The following MLXIP variants were observed in gnomAD, a reference collection of about 807,000 sequenced individuals.
MLXIP encodes the protein MLX interacting protein, also known as MLX-interacting protein.
Under a neutral mutation model 87.2 loss-of-function variants are expected in MLXIP, and 30 were observed. That is an observed-to-expected ratio of 0.34 (90% CI 0.26 to 0.47). The LOEUF (loss-of-function observed/expected upper bound fraction) is 0.47. Among genes scored for constraint, MLXIP ranks in the 20% least tolerant of loss-of-function variants. The pLI is 1.00. For synonymous variants in MLXIP, 530 were observed against 514.0 expected, an observed-to-expected ratio of 1.03 and a Z score of -0.42; for missense variants, 1,002 against 1,240.1, an observed-to-expected ratio of 0.81 and a Z score of 2.88.
intron 1 of MLXIP, 26 bp downstream of exon 1, chr12:122,079,292 G>A (rs764695407): frequency 7.8e-6 from 12 of 1,541,344 alleles, no homozygotes; most frequent in African/African-American, 6.9e-5. Flanking sequence ...ACCCCCTGAG[G>A]CCCCGGCCGG....
chr12:122,114,202 TA>T (rs1952650889), intron 1 of MLXIP, among the ~76,000 whole-genome samples: 1 of 150,280 alleles, frequency 6.7e-6, no homozygotes, highest in African/African-American at 2.5e-5. Context: ...GCCAGACTGT[TA>T]TCAAACTCCT....
In MLXIP at chr12:122,137,423, T is replaced by C; in HGVS notation, c.2033-46T>C. On this transcript the variant is annotated intron_variant, in intron 11 of 16. Coordinates refer to ENST00000319080, the MANE Select transcript of MLXIP (RefSeq NM_014938.6). The surrounding 1 kb of genome is among the most constrained non-coding windows in gnomAD (Gnocchi z 4.1). ...GACCCCAGGCTGCCTCCTGGTGGCG[T>C]TGAGGGGCCAGGCCTCCGCCCCTCA... The C allele has an allele frequency of 6.3e-7, 1 of 1,583,774 alleles. No homozygotes were observed. Among genetic ancestry groups the C allele is most frequent in the Non-Finnish European group, 8.6e-7 (1 of 1,164,616 alleles).
Position 122,137,598 on chromosome 12 carries a change from A to G in MLXIP, c.2154+8A>G, listed in dbSNP as rs758726592. ...AATGTGGCTGCACTAAAGGTACCGC[A>G]TGTCTCCTCTTGGTTCCCTTGGGAG... On this transcript the variant is annotated splice_region_variant and intron_variant, in intron 12 of 16. Coordinates refer to ENST00000319080, the MANE Select transcript of MLXIP (RefSeq NM_014938.6). The surrounding 1 kb of genome is among the most constrained non-coding windows in gnomAD (Gnocchi z 4.1). The G allele has an allele frequency of 2.5e-6, 4 of 1,613,402 alleles. No homozygotes were observed. The highest frequency in any genetic ancestry group is 1.1e-5 in the South Asian group (1 of 91,024).
intron 1 of MLXIP, among the ~76,000 whole-genome samples, chr12:122,090,761 A>G (rs1324464165): frequency 6.6e-6 from 1 of 152,258 alleles, no homozygotes; most frequent in Non-Finnish European, 1.5e-5. Context: ...CTATCTTCCC[A>G]GAAATAAAAA....
At position 122,135,290 on chromosome 12, in the gene MLXIP, T is replaced by C. The variant is rs1953066569; in HGVS notation, c.1799T>C (p.Leu600Ser). Residue 600 changes from leucine (L) to serine (S), a missense_variant, in exon 10 of 17, where the codon TTG (leucine) becomes TCG (serine). This residue lies in a region of MLXIP where 746 missense variants were observed against 897.0 expected (regional missense o/e 0.83). Transcript: ENST00000319080. This position sits in a 1 kb window ranked among gnomAD's most constrained non-coding sequence, Gnocchi z 5.3. Reference protein sequence around the residue: ...TSGPLKREGMLASTVSQSNVV... With the variant: ...TSGPLKREGMSASTVSQSNVV... ...GGGCCTCTGAAGAGAGAAGGGATGT[T>C]GGCCTCCACCGTGTCCCAGTCCAAC... is the stretch of plus-strand genomic sequence containing the variant. 6.2e-7 allele frequency: 1 copy of C among 1,613,552 alleles called. No homozygotes were observed. Among genetic ancestry groups the C allele is most frequent in the African/African-American group, 1.3e-5 (1 of 74,926 alleles).
Position 122,142,261 on chromosome 12 carries a change from A to G in MLXIP, c.*449A>G. On this transcript the variant is annotated 3_prime_UTR_variant, in exon 17 of 17. Transcript: ENST00000319080. The stretch of plus-strand genomic sequence containing the variant: ...ATGCCTCTGCCTGATGCCCTGCTCC[A>G]CTCTCTGGTCTGCCCGTGGGGCAGT... 1 of 696,196 alleles carries G rather than the reference A, an allele frequency of 1.4e-6. No homozygotes were observed. Among genetic ancestry groups the G allele is most frequent in the Non-Finnish European group, 2.6e-6 (1 of 381,500 alleles). The allele number at this position is 696,196 out of a possible 1,614,324, so 43.1% of individuals were successfully genotyped here. A position where few individuals can be genotyped will look rare whatever the true frequency, so the allele number is the denominator to read the frequency against.
Position 122,079,228 on chromosome 12 carries a change from G to A in MLXIP, c.375G>A (p.Ser125=), listed in dbSNP as rs776981255. 7.1e-6 allele frequency: 11 copies of A among 1,551,078 alleles called. No homozygotes were observed. Among genetic ancestry groups the A allele is most frequent in the Middle Eastern group, 1.7e-4 (1 of 5,992 alleles). ...TSSCHLSIDA[S]LTKLFECMTL... ...CCTGCCACCTGTCCATCGACGCCTC[G>A]CTCACCAAGCTCTTCGAGTGCATGA... is the stretch of plus-strand genomic sequence containing the variant. Residue 125 remains serine (S), a synonymous_variant, in exon 1 of 17, where the codon TCG becomes TCA. Transcript: ENST00000319080.
At chr12:122,132,173 C>T (rs1403101389) in intron 7 of MLXIP, 119 bp from the exon 8 acceptor site, 17 of 694,814 alleles carry the variant, frequency 2.4e-5, no homozygotes, top group South Asian at 8.4e-5. Flanking sequence ...CTGCCTACCT[C>T]GGCCTCCCAA....
At chr12:122,080,991 C>G (rs996022300) in intron 1 of MLXIP, among the ~76,000 whole-genome samples, 4 of 151,980 alleles carry the variant, frequency 2.6e-5, no homozygotes, top group Non-Finnish European at 5.9e-5. Flanking sequence ...TAAGTAAGCT[C>G]TGCTAAATGA....
intron 1 of MLXIP, among the ~76,000 whole-genome samples, chr12:122,083,235 C>T (rs923045013): frequency 6.6e-6 from 1 of 151,964 alleles, no homozygotes; most frequent in African/African-American, 2.4e-5. Context: ...TGAATATTTC[C>T]GGTGGTGGGG....
rs546861086 is a variant in MLXIP, at chr12:122,141,637, C to G, written c.2639-54C>G. ...GGTTGTAGGTACAAAGCCGAGTGTG[C>G]GGTGTGTGGTGGGTCTGTGTCACTG... On this transcript the variant is annotated intron_variant, in intron 16 of 16. Coordinates refer to ENST00000319080, the MANE Select transcript of MLXIP (RefSeq NM_014938.6). 337 of 1,595,814 alleles carry G rather than the reference C, an allele frequency of 2.1e-4. 6 individuals are homozygous for G. In the South Asian group the frequency reaches 3.6e-3, roughly 17 times the overall value.
chr12:122,119,098 G>A (rs2135954896), intron 1 of MLXIP, among the ~76,000 whole-genome samples: 1 of 152,072 alleles, frequency 6.6e-6, no homozygotes, highest in East Asian at 2.0e-4. Flanking sequence ...AACCTGGGAG[G>A]TGGAGCTTGC....
At chr12:122,118,610 G>T (rs1488215024) in intron 1 of MLXIP, among the ~76,000 whole-genome samples, 1 of 152,192 alleles carries the variant, frequency 6.6e-6, no homozygotes, top group Non-Finnish European at 1.5e-5. Flanking sequence ...CACTTTGGGA[G>T]GCCAAGGTGG....
intron 1 of MLXIP, among the ~76,000 whole-genome samples, chr12:122,115,338 A>G (rs1389100677): frequency 6.6e-6 from 1 of 152,052 alleles, no homozygotes; most frequent in East Asian, 1.9e-4. Context: ...CTATAATCCC[A>G]GCACTTTGGG....
At chr12:122,121,009 GGTTT>G (rs756912743) in intron 1 of MLXIP, among the ~76,000 whole-genome samples, 16 of 102,170 alleles carry the variant, frequency 1.6e-4, no homozygotes, top group Admixed American at 3.2e-4. Flanking sequence ...CTGCATGCTT[GGTTT>G]TTTTTTTTTT....
At chr12:122,098,904 G>T (rs1952395316) in intron 1 of MLXIP, among the ~76,000 whole-genome samples, 1 of 152,218 alleles carries the variant, frequency 6.6e-6, no homozygotes, top group Non-Finnish European at 1.5e-5. Context: ...TCCCTGCTCA[G>T]CAGGAGCAGC....
In MLXIP at chr12:122,138,447, G is replaced by A; in HGVS notation, c.2280G>A (p.Gln760=). ...AGACCAGTCACGCCATCACACTGCA[G>A]AAGACTGTGGAGTACATCACCAAGC... ...SKLTSHAITL[Q]KTVEYITKLQ... is the part of the protein sequence containing the mutation. The change falls in exon 14 of 17, where the codon CAG becomes CAA. Residue 760 remains glutamine, a synonymous_variant. Transcript: ENST00000319080. The A allele has an allele frequency of 6.2e-7, 1 of 1,613,960 alleles. No individual in the cohort carries two copies. Among genetic ancestry groups the A allele is most frequent in the Non-Finnish European group, 8.5e-7 (1 of 1,179,898 alleles).
chr12:122,110,904 C>T (rs1395676169), intron 1 of MLXIP, among the ~76,000 whole-genome samples: 2 of 151,764 alleles, frequency 1.3e-5, no homozygotes, highest in African/African-American at 2.4e-5. Context: ...GGTGAAACCC[C>T]GTCTCTACTA....
chr12:122,113,975 G>A (rs966944146), intron 1 of MLXIP, among the ~76,000 whole-genome samples: 1 of 143,264 alleles, frequency 7.0e-6, no homozygotes, highest in Non-Finnish European at 1.5e-5. Flanking sequence ...GTGAGCCACT[G>A]CACCCGGCCT....
Sources: gnomAD v4.1 joint callset for allele counts (sites outside exome capture counted in the v4.1 genomes callset) on GRCh38, gnomAD v4.1.1 for gene constraint, gnomAD v4.1.1 regional missense constraint, Gnocchi (gnomAD v3.1) non-coding constraint, MANE v1.5 for transcripts, NCBI Gene and HGNC (gene_info 2026-07-23, HGNC 2026-07-21) for gene names.